The following TTC39C variants were observed in gnomAD, a reference collection of about 807,000 sequenced individuals.
The protein encoded by TTC39C is tetratricopeptide repeat domain 39C, also known as tetratricopeptide repeat protein 39C.
In TTC39C, 33 loss-of-function variants were observed where a neutral mutation model predicts 76.3. That is an observed-to-expected ratio of 0.43 (90% CI 0.33 to 0.58). The LOEUF is 0.58. Among genes scored for constraint, TTC39C ranks in the 20% least tolerant of loss-of-function variants. The pLI is 0.04. For synonymous variants in TTC39C, 254 were observed against 260.6 expected, an observed-to-expected ratio of 0.97 and a Z score of 0.24; for missense variants, 595 against 701.4, an observed-to-expected ratio of 0.85 and a Z score of 1.71.
At chr18:24,066,429 T>A (rs2084167137) in intron 3 of TTC39C, among the ~76,000 whole-genome samples, 2 of 152,214 alleles carry the variant, frequency 1.3e-5, no homozygotes, top group Admixed American at 1.3e-4. Context: ...TTCCTATATG[T>A]AATTCAAATA....
chr18:24,097,966 A>C (rs1057304279), intron 6 of TTC39C, among the ~76,000 whole-genome samples: 3 of 152,200 alleles, frequency 2.0e-5, no homozygotes, highest in African/African-American at 7.2e-5. Context: ...TTTGAAATTC[A>C]TGCATAGTTT....
intron 1 of TTC39C, among the ~76,000 whole-genome samples, chr18:24,036,051 G>A (rs1184983577): frequency 6.6e-6 from 1 of 151,378 alleles, no homozygotes; most frequent in African/African-American, 2.4e-5. Flanking sequence ...ATGCATGAAG[G>A]TTTATTTCTA....
chr18:24,008,650 T>C (rs1461338869), intron 1 of TTC39C, among the ~76,000 whole-genome samples: 1 of 152,218 alleles, frequency 6.6e-6, no homozygotes, highest in Non-Finnish European at 1.5e-5. Flanking sequence ...AAAAACAGAA[T>C]TCCTATTCGA....
chr18:24,055,759 A>G (rs990281530), intron 1 of TTC39C, among the ~76,000 whole-genome samples: 2 of 152,174 alleles, frequency 1.3e-5, no homozygotes, highest in African/African-American at 4.8e-5. Context: ...TTCCATTTAT[A>G]TACTTTCATT....
intron 6 of TTC39C, among the ~76,000 whole-genome samples, chr18:24,101,708 C>G (rs914723077): frequency 6.6e-6 from 1 of 152,176 alleles, no homozygotes; most frequent in Admixed American, 6.5e-5. Context: ...ATTAGGTCTT[C>G]TCGGCTTTCT....
At chr18:24,057,580 C>T (rs2084032613) in intron 1 of TTC39C, among the ~76,000 whole-genome samples, 1 of 152,098 alleles carries the variant, frequency 6.6e-6, no homozygotes, top group East Asian at 1.9e-4. Flanking sequence ...TCTTTTGTGT[C>T]TAGCTTCTTT....
chr18:24,052,436 C>T (rs2083962307), intron 1 of TTC39C, among the ~76,000 whole-genome samples: 1 of 152,050 alleles, frequency 6.6e-6, no homozygotes, highest in Admixed American at 6.5e-5. Context: ...AGAATTTTTC[C>T]TAAAGCCCTA....
intron 6 of TTC39C, chr18:24,113,511 A>G (rs974659524): frequency 2.3e-5 from 16 of 693,882 alleles, no homozygotes; most frequent in Non-Finnish European, 3.9e-5. Flanking sequence ...AAGCAGCAGG[A>G]GACGCACCTG....
intron 10 of TTC39C, among the ~76,000 whole-genome samples, chr18:24,125,879 C>G (rs2085044391): frequency 6.6e-6 from 1 of 152,090 alleles, no homozygotes; most frequent in Non-Finnish European, 1.5e-5. Context: ...AGGTGTGATT[C>G]ACATAAGTAA....
chr18:24,012,085 T>C (rs1273077492), upstream of TTC39C, among the ~76,000 whole-genome samples: 1 of 152,214 alleles, frequency 6.6e-6, no homozygotes, highest in Admixed American at 6.5e-5. Context: ...CCTTGCAATG[T>C]GAATCCGGGG....
intron 4 of TTC39C, among the ~76,000 whole-genome samples, chr18:24,071,237 A>G (rs2084238226): frequency 6.6e-6 from 1 of 152,194 alleles, no homozygotes; most frequent in South Asian, 2.1e-4. Flanking sequence ...AGAACTTTCT[A>G]AATGAGTACG....
chr18:24,121,498 G>A (rs960984285), intron 8 of TTC39C, among the ~76,000 whole-genome samples: 6 of 152,108 alleles, frequency 3.9e-5, no homozygotes, highest in African/African-American at 1.4e-4. Context: ...AGAATTGCTT[G>A]AACCCAGGAG....
intron 8 of TTC39C, among the ~76,000 whole-genome samples, chr18:24,120,290 C>T (rs2084949417): frequency 6.6e-6 from 1 of 152,166 alleles, no homozygotes; most frequent in Non-Finnish European, 1.5e-5. Context: ...GCAGAGGTTG[C>T]AGTGAGCTGA....
At position 24,108,538 on chromosome 18, in the gene TTC39C, A is replaced by T. The variant is rs1470868124; in HGVS notation, c.985-6016A>T. Among the ~76,000 whole-genome samples, 4 of 152,370 alleles carry T rather than the reference A, an allele frequency of 2.6e-5. No individual in the cohort carries two copies. In the South Asian group the frequency reaches 6.2e-4, roughly 24 times the overall value. Reference sequence around the variant, plus strand: ...TTTCAATAGAACAATAAGGAATATTAGTAGACCCCAGGCTTCATGTGTTGA... The same window carrying T: ...TTTCAATAGAACAATAAGGAATATTTGTAGACCCCAGGCTTCATGTGTTGA... On this transcript the variant is annotated intron_variant, in intron 6 of 13. Coordinates refer to ENST00000317571, the MANE Select transcript of TTC39C (RefSeq NM_001135993.2).
At chr18:24,131,180 G>A (rs952536030) in intron 12 of TTC39C, among the ~76,000 whole-genome samples, 74 of 144,446 alleles carry the variant, frequency 5.1e-4, no homozygotes, top group African/African-American at 1.9e-3. Context: ...CTGCACTCCA[G>A]CCTGAGCAAC....
chr18:24,068,793 A>G (rs1364822191), intron 3 of TTC39C, among the ~76,000 whole-genome samples: 2 of 152,180 alleles, frequency 1.3e-5, no homozygotes, highest in African/African-American at 4.8e-5. Flanking sequence ...CAGGTTATCT[A>G]CTTTGAGGAA....
chr18:23,995,528 C>T (rs1199978911), intron 1 of TTC39C, among the ~76,000 whole-genome samples: 1 of 152,088 alleles, frequency 6.6e-6, no homozygotes, highest in Non-Finnish European at 1.5e-5. Flanking sequence ...GGCTTTTTCA[C>T]TCAGCATAAT....
At chr18:24,039,411 T>C (rs905315649) in intron 1 of TTC39C, among the ~76,000 whole-genome samples, 3 of 152,326 alleles carry the variant, frequency 2.0e-5, no homozygotes, top group Non-Finnish European at 2.9e-5. Flanking sequence ...TGGACACACA[T>C]GATAGGTGGG....
intron 1 of TTC39C, among the ~76,000 whole-genome samples, chr18:24,007,535 C>T (rs2083364077): frequency 6.6e-6 from 1 of 152,114 alleles, no homozygotes; most frequent in Admixed American, 6.6e-5. Context: ...AGATGGGTGC[C>T]ACCAGGCCTG....
Sources: allele counts gnomAD v4.1 joint callset (sites outside exome capture counted in the v4.1 genomes callset), GRCh38; gene constraint gnomAD v4.1.1; transcripts MANE v1.5; gene names NCBI Gene and HGNC (gene_info 2026-07-23, HGNC 2026-07-21).